ACOT1: variants seen among roughly 807,000 people sequenced by gnomAD.
ACOT1 encodes the protein acyl-coenzyme A thioesterase 1.
A neutral mutation model predicts 15.7 loss-of-function variants in ACOT1; 8 were observed. The ratio of observed to expected loss-of-function variants is 0.51; its 90% CI spans 0.30 to 0.92. The LOEUF (loss-of-function observed/expected upper bound fraction) is 0.92, where lower values mean the gene tolerates loss of function less well. Among genes scored for constraint, ACOT1 ranks in the 40% least tolerant of loss-of-function variants. The pLI is 0.06. For synonymous variants in ACOT1, 67 were observed against 241.2 expected, an observed-to-expected ratio of 0.28 and a Z score of 6.69; for missense variants, 151 against 539.4, an observed-to-expected ratio of 0.28 and a Z score of 7.13.
the ACOT1 span, among the ~76,000 whole-genome samples, chr14:73,509,874 TTATTTTA>T: frequency 7.2e-5 from 6 of 83,068 alleles, no homozygotes; most frequent in Non-Finnish European, 1.4e-4. Context: ...ATATATTTAT[TTATTTTA>T]TATATTTTTT....
the ACOT1 span, chr14:73,523,329 G>T: frequency 1.7e-6 from 1 of 595,458 alleles, no homozygotes; most frequent in East Asian, 2.8e-5. Context: ...TGGAAAGGGG[G>T]TGGGGAAGAG....
the ACOT1 span, among the ~76,000 whole-genome samples, chr14:73,528,410 A>AAC: frequency 2.6e-4 from 38 of 148,322 alleles, no homozygotes; most frequent in East Asian, 6.2e-3. Flanking sequence ...AAAAAAAAAA[A>AAC]AAAACTTAAG....
chr14:73,506,825 T>TTTTTTTTTTTTG, the ACOT1 span, among the ~76,000 whole-genome samples: 1 of 126,132 alleles, frequency 7.9e-6, no homozygotes, highest in African/African-American at 3.3e-5. Flanking sequence ...TTTTTTTTTT[T>TTTTTTTTTTTTG]CTGAGAAGGT....
chr14:73,508,751 C>CAAAAAA, the ACOT1 span, among the ~76,000 whole-genome samples: 11 of 57,866 alleles, frequency 1.9e-4, no homozygotes, highest in African/African-American at 7.2e-4. Context: ...AACTCTGTCT[C>CAAAAAA]AAAAAAAAAA....
the ACOT1 span, among the ~76,000 whole-genome samples, chr14:73,524,221 TG>T: frequency 7.4e-6 from 1 of 134,552 alleles, no homozygotes; most frequent in South Asian, 2.4e-4. Flanking sequence ...GAACCCAGGG[TG>T]GGGGAGATTG....
the ACOT1 span, chr14:73,517,312 C>T: frequency 2.0e-5 from 3 of 152,152 alleles, no homozygotes; most frequent in Non-Finnish European, 4.4e-5. Flanking sequence ...CTGCCTGCCT[C>T]ATCAAATTGT....
At chr14:73,499,955 C>T in the ACOT1 span, among the ~76,000 whole-genome samples, 5 of 152,146 alleles carry the variant, frequency 3.3e-5, no homozygotes, top group South Asian at 2.1e-4. Flanking sequence ...TTATGCCAGG[C>T]GCGGTGGCTC....
the ACOT1 span, chr14:73,495,231 GAA>G: frequency 6.2e-7 from 1 of 1,613,040 alleles, no homozygotes; most frequent in Non-Finnish European, 8.5e-7. Context: ...AACCTACCCT[GAA>G]AAGTTTCTTG....
At chr14:73,512,006 C>G in the ACOT1 span, 1 of 1,613,922 alleles carries the variant, frequency 6.2e-7, no homozygotes, top group South Asian at 1.1e-5. Flanking sequence ...TGGCTCTCAC[C>G]TGAGTCTCTC....
At position 73,537,361 on chromosome 14, in the gene ACOT1, A is replaced by G; in HGVS notation, c.-61A>G. ...GGCAGCCCGAGAGGAAGAGTTGGGC[A>G]GAGTTGCAGGGGTCTCCACAGCTGA... On this transcript the variant is annotated 5_prime_UTR_variant, in exon 1 of 3. Coordinates refer to ENST00000311148, the MANE Select transcript of ACOT1 (RefSeq NM_001037161.2). The G allele has an allele frequency of 1.7e-6, 2 of 1,195,626 alleles. 1 individual carries two copies. The highest frequency in any genetic ancestry group is 5.3e-5 in the Admixed American group (2 of 37,884). 74.1% of individuals were successfully genotyped at this position (1,195,626 alleles called of 1,614,324 possible).
chr14:73,502,486 ACCTGGT>A, the ACOT1 span, among the ~76,000 whole-genome samples: 1 of 151,782 alleles, frequency 6.6e-6, no homozygotes, highest in East Asian at 1.9e-4. Flanking sequence ...TTACAGTGGG[ACCTGGT>A]CCAGGGTCCG....
chr14:73,523,471 C>G, the ACOT1 span, among the ~76,000 whole-genome samples: 3 of 152,230 alleles, frequency 2.0e-5, no homozygotes, highest in Non-Finnish European at 2.9e-5. Flanking sequence ...GGGATGACTG[C>G]TTTTCAGCAG....
chr14:73,505,873 A>C, the ACOT1 span, among the ~76,000 whole-genome samples: 5 of 149,874 alleles, frequency 3.3e-5, no homozygotes, highest in African/African-American at 1.2e-4. Flanking sequence ...GGCAATATCA[A>C]ATTACTATAA....
At chr14:73,500,445 C>T in the ACOT1 span, 2 of 1,247,562 alleles carry the variant, frequency 1.6e-6, no homozygotes, top group Non-Finnish European at 2.2e-6. Context: ...TCCAATCTCT[C>T]ATTCTGTGTC....
At chr14:73,522,351 C>T in the ACOT1 span, 4 of 1,614,130 alleles carry the variant, frequency 2.5e-6, no homozygotes, top group Non-Finnish European at 3.4e-6. Flanking sequence ...TCAAACTCTG[C>T]TGTCTCTTCT....
At chr14:73,513,232 G>T in the ACOT1 span, among the ~76,000 whole-genome samples, 2 of 152,212 alleles carry the variant, frequency 1.3e-5, no homozygotes, top group Non-Finnish European at 2.9e-5. Flanking sequence ...GCCAAGGCGG[G>T]GAGATCACCT....
the ACOT1 span, chr14:73,498,396 T>C: frequency 2.7e-6 from 4 of 1,462,548 alleles, no homozygotes; most frequent in Non-Finnish European, 2.8e-6. Flanking sequence ...TACTATATTC[T>C]AGCATCCAGA....
the ACOT1 span, among the ~76,000 whole-genome samples, chr14:73,503,470 C>T: frequency 2.0e-5 from 3 of 152,160 alleles, no homozygotes; most frequent in African/African-American, 7.2e-5. Context: ...GCACTTCTCT[C>T]AGAGAGGAAT....
At chr14:73,496,733 A>G in the ACOT1 span, 1 of 964,528 alleles carries the variant, frequency 1.0e-6, no homozygotes, top group Non-Finnish European at 1.7e-6. Context: ...TTAAAAAAGT[A>G]TGGGGGTAGA....
Sources: gnomAD v4.1 joint callset for allele counts (sites outside exome capture counted in the v4.1 genomes callset) on GRCh38, gnomAD v4.1.1 for gene constraint, MANE v1.5 for transcripts, NCBI Gene and HGNC (gene_info 2026-07-23, HGNC 2026-07-21) for gene names.